Variants in CNTNAP3B observed in about 807,000 individuals in gnomAD.
CNTNAP3B encodes the protein contactin-associated protein-like 3B.
A neutral mutation model predicts 108.9 loss-of-function variants in CNTNAP3B; 25 were observed. The observed-to-expected ratio is 0.23, with a 90% confidence interval of 0.17 to 0.32. CNTNAP3B has a LOEUF of 0.32. CNTNAP3B is among the 10% of genes least tolerant of loss of function. The pLI, the probability that CNTNAP3B is intolerant of heterozygous loss-of-function variation, is 1.00. For synonymous variants in CNTNAP3B, 103 were observed against 473.4 expected (o/e 0.22, Z 10.16); for missense variants, 252 against 1,210.4 (o/e 0.21, Z 11.75).
rs906804426 is a variant in CNTNAP3B at position 42,034,174 on chromosome 9, G to A, written c.391-20649C>T. 1.2e-4 allele frequency among the ~76,000 whole-genome samples: 8 copies of A among 67,760 alleles called. 2 individuals carry two copies. The highest frequency in any genetic ancestry group is 3.8e-4 in the South Asian group (1 of 2,664). The allele number at this position is 67,760 out of a possible 152,430, so 44.5% of individuals were successfully genotyped here. A position where few individuals can be genotyped will look rare whatever the true frequency, so the allele number is the denominator to read the frequency against. ...AATCTACCTATTTATCTATATGTAT[G>A]TATGTATATATGTATCTATCTATCT... On this transcript the variant is annotated intron_variant, in intron 3 of 23. Coordinates refer to ENST00000377561, the MANE Select transcript of CNTNAP3B (RefSeq NM_001201380.3).
rs1378096500 is a variant in CNTNAP3B at position 41,916,585 on chromosome 9, G to T, written c.2995+3485C>A. ...ATCTTTTATAATTTTTAGTTTTTATGAATACCTAATAGTTGTATGTATTTA... is the reference window on the plus strand; with the variant it reads ...ATCTTTTATAATTTTTAGTTTTTATTAATACCTAATAGTTGTATGTATTTA... On this transcript the variant is annotated intron_variant, in intron 18 of 23. Transcript: ENST00000377561. Among the ~76,000 whole-genome samples, 5 of 148,566 alleles carry T rather than the reference G, an allele frequency of 3.4e-5. No homozygotes were observed. The East Asian group carries it at 9.8e-4, about 29-fold the overall frequency.
rs1490528308 is a variant in CNTNAP3B, at chr9:41,964,714, C to T, written c.1650-70G>A. The T allele has an allele frequency of 1.4e-5, 21 of 1,538,336 alleles. No homozygotes were observed. The South Asian group carries it at 2.2e-4, about 16-fold the overall frequency. On this transcript the variant is annotated intron_variant, in intron 10 of 23. Transcript: ENST00000377561. Reference sequence around the variant, plus strand: ...CAAAAAATAAGTGTCTTACCAAAAACAGGTTAATGTGAAAGGCCAGCATAC... The same window carrying T: ...CAAAAAATAAGTGTCTTACCAAAAATAGGTTAATGTGAAAGGCCAGCATAC...
intron 10 of CNTNAP3B, among the ~76,000 whole-genome samples, chr9:41,964,860 C>T (rs1273444657): frequency 2.0e-5 from 3 of 152,262 alleles, no homozygotes; most frequent in Admixed American, 1.3e-4. Flanking sequence ...TCTGTGACAG[C>T]TGAATTTTCA....
At chr9:42,055,526 C>A (rs1301393629) in intron 3 of CNTNAP3B, among the ~76,000 whole-genome samples, 5 of 140,988 alleles carry the variant, frequency 3.5e-5, no homozygotes, top group African/African-American at 1.4e-4. Context: ...TCTCTTCATG[C>A]ACATATGCAT....
In CNTNAP3B at chr9:42,116,651, A is replaced by T. The variant is rs547040442; in HGVS notation, c.86-11912T>A. Among the ~76,000 whole-genome samples the T allele has an allele frequency of 1.5e-4, 21 of 140,008 alleles. 3 individuals carry two copies. The South Asian group carries it at 4.8e-3, about 32-fold the overall frequency. 91.9% of individuals were successfully genotyped at this position (140,008 alleles called of 152,430 possible). Reference sequence around the variant, plus strand: ...AATAACCAGTTAACATCATAATGACAGGATCAAATTCACACATAACAATAT... The same window carrying T: ...AATAACCAGTTAACATCATAATGACTGGATCAAATTCACACATAACAATAT... On this transcript the variant is annotated intron_variant, in intron 1 of 23. Transcript: ENST00000377561.
At chr9:41,923,504 G>A (rs1259953390) in intron 16 of CNTNAP3B, among the ~76,000 whole-genome samples, 2 of 152,240 alleles carry the variant, frequency 1.3e-5, no homozygotes, top group African/African-American at 4.8e-5. Flanking sequence ...GTTCACACCT[G>A]TAATCCCAGC....
chr9:41,940,083 G>C (rs202061181), intron 13 of CNTNAP3B, among the ~76,000 whole-genome samples: 1,326 of 151,410 alleles, frequency 8.8e-3, no homozygotes, highest in South Asian at 0.035. Flanking sequence ...GACCAAAAAA[G>C]AGAAAACAGA....
intron 3 of CNTNAP3B, among the ~76,000 whole-genome samples, chr9:42,061,368 A>T (rs1442183286): frequency 1.6e-5 from 2 of 122,822 alleles, no homozygotes; most frequent in Admixed American, 1.8e-4. Flanking sequence ...ACCAGGCTGC[A>T]GTGCAGTGGC....
At chr9:42,093,217 A>C (rs4463480) in intron 2 of CNTNAP3B, among the ~76,000 whole-genome samples, 1,355 of 93,624 alleles carry the variant, frequency 0.014, 208 homozygotes, top group African/African-American at 0.026. Flanking sequence ...TGGTGGCGCG[A>C]CCCTGTAATC....
intron 1 of CNTNAP3B, among the ~76,000 whole-genome samples, chr9:42,128,158 A>C (rs1828612682): frequency 7.2e-6 from 1 of 138,938 alleles, no homozygotes; most frequent in Non-Finnish European, 1.5e-5. Flanking sequence ...CAAGCCGAAA[A>C]AAAAATGTGC....
At chr9:41,951,542 A>C (rs1488574892) in intron 13 of CNTNAP3B, among the ~76,000 whole-genome samples, 1 of 152,270 alleles carries the variant, frequency 6.6e-6, no homozygotes, top group Non-Finnish European at 1.5e-5. Flanking sequence ...CCATGAGATC[A>C]GTACTACAGG....
chr9:41,963,449 G>A (rs1308166660), intron 11 of CNTNAP3B, among the ~76,000 whole-genome samples: 10 of 149,912 alleles, frequency 6.7e-5, no homozygotes, highest in South Asian at 2.1e-4. Flanking sequence ...TCAATAAAAC[G>A]GCATGGCCTT....
chr9:41,963,657 GC>G (rs1378622468), intron 11 of CNTNAP3B, among the ~76,000 whole-genome samples: 1 of 151,626 alleles, frequency 6.6e-6, no homozygotes, highest in Admixed American at 6.6e-5. Context: ...TTTGGGTAAG[GC>G]CTGAGAGTCT....
intron 2 of CNTNAP3B, among the ~76,000 whole-genome samples, chr9:42,099,319 A>G (rs1331133611): frequency 8.0e-6 from 1 of 125,164 alleles, no homozygotes; most frequent in East Asian, 2.6e-4. Context: ...TGCATCTGTC[A>G]TGCATCTTCC....
Position 42,087,047 on chromosome 9 carries a change from C to A in CNTNAP3B, c.197-9985G>T, listed in dbSNP as rs1465575684. Among the ~76,000 whole-genome samples, 7 of 138,054 alleles carry A rather than the reference C, an allele frequency of 5.1e-5. 2 individuals are homozygous for A. The highest frequency in any genetic ancestry group is 9.4e-5 in the Non-Finnish European group (6 of 64,012). 90.6% of individuals were successfully genotyped at this position (138,054 alleles called of 152,430 possible). A position where few individuals can be genotyped will look rare whatever the true frequency, so the allele number is the denominator to read the frequency against. ...TCCTGCACACCTTTCGTAAGATCTA[C>A]ATTTAAGTATTTTATTTTTTAATGC... On this transcript the variant is annotated intron_variant, in intron 2 of 23. Coordinates refer to ENST00000377561, the MANE Select transcript of CNTNAP3B (RefSeq NM_001201380.3).
At chr9:41,941,632 A>C (rs1474319609) in intron 13 of CNTNAP3B, among the ~76,000 whole-genome samples, 1 of 129,564 alleles carries the variant, frequency 7.7e-6, no homozygotes, top group African/African-American at 3.0e-5. Context: ...CTAAAAATAA[A>C]CAGTTCTTCT....
Position 41,986,297 on chromosome 9 carries a change from C to T in CNTNAP3B, c.1348G>A (p.Asp450Asn), listed in dbSNP as rs540405419. The T allele has an allele frequency of 1.2e-4, 128 of 1,099,280 alleles. 42 individuals are homozygous for T. Among genetic ancestry groups the T allele is most frequent in the Non-Finnish European group, 1.4e-4 (113 of 818,100 alleles). 68.1% of individuals were successfully genotyped at this position (1,099,280 alleles called of 1,614,324 possible). Residue 450 changes from aspartate (D) to asparagine (N), a missense_variant, in exon 9 of 24, where the codon GAT becomes AAT. By Grantham distance (23) the Asp-to-Asn change is conservative. Transcript: ENST00000377561. The part of the protein sequence containing the change: ...RNVTAGAGLN[D>N]GQWHSVSFSA... ...AAGGATACAGAGTGCCACTGCCCAT[C>T]GTTTAATCCAGCACCTGGAGGAAAT...
chr9:42,080,342 G>A (rs1177186211), intron 2 of CNTNAP3B, among the ~76,000 whole-genome samples: 1 of 138,704 alleles, frequency 7.2e-6, no homozygotes, highest in East Asian at 2.2e-4. Context: ...ATAAAGTAAT[G>A]AAATTCTGGC....
intron 3 of CNTNAP3B, among the ~76,000 whole-genome samples, chr9:42,038,488 A>G (rs375872080): frequency 0.019 from 1,519 of 80,474 alleles, 14 homozygotes; most frequent in Middle Eastern, 0.047. Flanking sequence ...TCCTAGTCTC[A>G]GATAAAACAG....
Sources: gnomAD v4.1 joint callset for allele counts (sites outside exome capture counted in the v4.1 genomes callset) on GRCh38, gnomAD v4.1.1 for gene constraint, MANE v1.5 for transcripts, NCBI Gene and HGNC (gene_info 2026-07-23, HGNC 2026-07-21) for gene names.